SDK1: variants seen among roughly 807,000 people sequenced by gnomAD.
SDK1 encodes sidekick cell adhesion molecule 1.
A neutral mutation model predicts 245.5 loss-of-function variants in SDK1; 157 were observed. The ratio of observed to expected loss-of-function variants is 0.64; its 90% CI spans 0.56 to 0.73. The LOEUF (loss-of-function observed/expected upper bound fraction) is 0.73. Ranked by LOEUF, SDK1 falls within the 30% of genes least tolerant of loss-of-function variation. The pLI is 0.00. For missense variants in SDK1, 3,583 were observed against 3,002.3 expected (o/e 1.19, Z -4.52); for synonymous variants, 1,647 against 1,278.5 (o/e 1.29, Z -6.15).
chr7:4,161,880 C>T (rs746734859), intron 32 of SDK1, 24 bp downstream of exon 32: 31 of 1,604,224 alleles, frequency 1.9e-5, no homozygotes, highest in Admixed American at 5.0e-5. Flanking sequence ...GAATCACGCG[C>T]GTTTTGTCAA....
In SDK1 at chr7:3,506,834, GT is replaced by G. The variant is rs532944981; in HGVS notation, c.299-112235del. On this transcript the variant is annotated intron_variant, in intron 1 of 44. Coordinates refer to ENST00000404826, the MANE Select transcript of SDK1 (RefSeq NM_152744.4). Reference sequence around the variant, plus strand: ...TTTATTTAAATACATTACATGTCTTGTTTTTTTTTTTAAATAAACACACACA... The same window carrying G: ...TTTATTTAAATACATTACATGTCTTGTTTTTTTTTTAAATAAACACACACA... 3.3e-3 allele frequency among the ~76,000 whole-genome samples: 463 copies of G among 138,988 alleles called. 3 individuals carry two copies. Among genetic ancestry groups the G allele is most frequent in the African/African-American group, 4.1e-3 (155 of 38,036 alleles). 91.2% of individuals were successfully genotyped at this position (138,988 alleles called of 152,430 possible). A position where few individuals can be genotyped will look rare whatever the true frequency, so the allele number is the denominator to read the frequency against.
chr7:3,311,113 C>G (rs1418605339), intron 1 of SDK1, among the ~76,000 whole-genome samples: 1 of 152,034 alleles, frequency 6.6e-6, no homozygotes, highest in Non-Finnish European at 1.5e-5. Flanking sequence ...GGACAGTTGA[C>G]ATAACTGGAG....
intron 36 of SDK1, among the ~76,000 whole-genome samples, chr7:4,206,712 C>T (rs913843512): frequency 1.3e-5 from 2 of 152,114 alleles, no homozygotes; most frequent in African/African-American, 2.4e-5. Flanking sequence ...GAGTACAGGG[C>T]CCATAAGCAT....
intron 4 of SDK1, among the ~76,000 whole-genome samples, chr7:3,651,864 C>A (rs62437896): frequency 0.025 from 3,756 of 152,224 alleles, 74 homozygotes; most frequent in Middle Eastern, 0.051. Context: ...TGTCTTCGAA[C>A]GCCAAGGGAT....
At chr7:3,482,816 C>A (rs1562513978) in intron 1 of SDK1, among the ~76,000 whole-genome samples, 1 of 152,198 alleles carries the variant, frequency 6.6e-6, no homozygotes, top group Non-Finnish European at 1.5e-5. Flanking sequence ...AAAGGATTCT[C>A]AGGCAACTCA....
intron 1 of SDK1, among the ~76,000 whole-genome samples, chr7:3,592,705 G>A (rs941351212): frequency 6.6e-6 from 1 of 152,126 alleles, no homozygotes; most frequent in Non-Finnish European, 1.5e-5. Context: ...GGGGACTCGC[G>A]CTGTGGGAAT....
intron 4 of SDK1, among the ~76,000 whole-genome samples, chr7:3,674,413 G>A (rs1783823516): frequency 6.6e-6 from 1 of 152,124 alleles, no homozygotes; most frequent in Non-Finnish European, 1.5e-5. Context: ...GGGAGGACCA[G>A]CCTTCCTGTT....
intron 4 of SDK1, among the ~76,000 whole-genome samples, chr7:3,754,986 G>T (rs1779879091): frequency 6.6e-6 from 1 of 152,166 alleles, no homozygotes; most frequent in South Asian, 2.1e-4. Context: ...TTCTGGAAAG[G>T]CTTTGTTTTA....
chr7:4,259,146 A>C (rs1238523059), intron 44 of SDK1, among the ~76,000 whole-genome samples: 2 of 152,188 alleles, frequency 1.3e-5, no homozygotes, highest in African/African-American at 4.8e-5. Context: ...ATGAAGAATA[A>C]ATCTTAAACA....
chr7:3,515,525 A>G (rs2128612763), intron 1 of SDK1, among the ~76,000 whole-genome samples: 1 of 152,314 alleles, frequency 6.6e-6, no homozygotes, highest in East Asian at 1.9e-4. Flanking sequence ...TTTTTAATTT[A>G]TGCTTACAGT....
At chr7:3,757,899 C>T (rs1016549644) in intron 4 of SDK1, among the ~76,000 whole-genome samples, 4 of 152,134 alleles carry the variant, frequency 2.6e-5, no homozygotes, top group African/African-American at 4.8e-5. Flanking sequence ...CAGCACCCAT[C>T]CTGAAGCTAT....
chr7:3,918,373 G>C (rs1779459530), intron 5 of SDK1, among the ~76,000 whole-genome samples: 1 of 152,200 alleles, frequency 6.6e-6, no homozygotes, highest in Non-Finnish European at 1.5e-5. Context: ...TGTCAGATCA[G>C]CGGCTGCATT....
At chr7:3,567,397 G>T (rs1473280449) in intron 1 of SDK1, among the ~76,000 whole-genome samples, 1 of 150,174 alleles carries the variant, frequency 6.7e-6, no homozygotes, top group Non-Finnish European at 1.5e-5. Context: ...AGAAGCCGAA[G>T]CACTGAGTTG....
intron 35 of SDK1, among the ~76,000 whole-genome samples, chr7:4,182,120 C>T (rs769761758): frequency 2.0e-5 from 3 of 152,242 alleles, no homozygotes; most frequent in Admixed American, 1.3e-4. Flanking sequence ...GGGGTTTCAC[C>T]GTGTTAGCCA....
intron 1 of SDK1, among the ~76,000 whole-genome samples, chr7:3,314,568 T>G (rs1779619347): frequency 1.3e-5 from 2 of 152,210 alleles, no homozygotes; most frequent in South Asian, 4.1e-4. Flanking sequence ...TGTGGCAACT[T>G]GATATGATTG....
chr7:3,998,267 G>A (rs116482425), intron 14 of SDK1, among the ~76,000 whole-genome samples: 1,916 of 152,328 alleles, frequency 0.013, 31 homozygotes, highest in African/African-American at 0.043. Context: ...TGGAGCAAGC[G>A]GCCCCGGCAG....
intron 1 of SDK1, among the ~76,000 whole-genome samples, chr7:3,528,649 G>A (rs1372917576): frequency 6.6e-6 from 1 of 152,106 alleles, no homozygotes; most frequent in African/African-American, 2.4e-5. Flanking sequence ...AGCTTGGATT[G>A]TAGGATCACC....
At chr7:4,011,909 T>C (rs1324724451) in intron 15 of SDK1, among the ~76,000 whole-genome samples, 186 bp from the exon 16 acceptor site, 1 of 152,146 alleles carries the variant, frequency 6.6e-6, no homozygotes, top group Non-Finnish European at 1.5e-5. Context: ...GATTTTCTAT[T>C]ATGTTGATTT....
rs1779359114 is a variant in SDK1 at position 4,139,530 on chromosome 7, T to G, written c.4229-6192T>G. On this transcript the variant is annotated intron_variant, in intron 28 of 44. Transcript: ENST00000404826. ...ATATGTATATATGTGTGTGTATGTG[T>G]GTGTGTATATATGTGTGTGTATATG... 1.4e-4 allele frequency among the ~76,000 whole-genome samples: 2 copies of G among 13,878 alleles called. 1 individual carries two copies. The allele number at this position is 13,878 out of a possible 152,430, so 9.1% of individuals were successfully genotyped here.
Sources: gnomAD v4.1 joint callset for allele counts (sites outside exome capture counted in the v4.1 genomes callset) on GRCh38, gnomAD v4.1.1 for gene constraint, MANE v1.5 for transcripts, NCBI Gene and HGNC (gene_info 2026-07-23, HGNC 2026-07-21) for gene names.